MEMO1: variants seen among roughly 807,000 people sequenced by gnomAD.
MEMO1 encodes the protein protein MEMO1.
Under a neutral mutation model 45.2 loss-of-function variants are expected in MEMO1, and 6 were observed. The observed-to-expected ratio is 0.13, with a 90% CI of 0.07 to 0.26. The LOEUF (loss-of-function observed/expected upper bound fraction) is 0.26, where lower values mean the gene tolerates loss of function less well. Ranked by LOEUF, MEMO1 falls within the 10% of genes least tolerant of loss-of-function variation. The pLI is 1.00. For synonymous variants in MEMO1, 78 were observed against 124.3 expected (o/e 0.63, Z 2.48); for missense variants, 184 against 370.5 (o/e 0.50, Z 4.13).
chr2:31,920,346 CAG>C (rs1682137322), intron 5 of MEMO1, among the ~76,000 whole-genome samples: 1 of 152,006 alleles, frequency 6.6e-6, no homozygotes, highest in African/African-American at 2.4e-5. Flanking sequence ...ACCTTTCTTT[CAG>C]AGTTTCATAA....
chr2:31,933,348 A>AAAAAAAAAAAT lies in MEMO1; in HGVS notation c.144-1214_144-1213insATTTTTTTTTT, dbSNP rs1558514269. ...AAAAAAAAAAAAAAAAAAAAAAAAA[A>AAAAAAAAAAAT]ATTTATATATATATATATATATATA... On this transcript the variant is annotated intron_variant, in intron 3 of 9. Transcript: ENST00000404530. 1.2e-4 allele frequency among the ~76,000 whole-genome samples: 2 copies of AAAAAAAAAAAT among 16,186 alleles called. 1 individual carries two copies. The highest frequency in any genetic ancestry group is 2.1e-4 in the Non-Finnish European group (2 of 9,602). The allele number at this position is 16,186 out of a possible 152,430, so 10.6% of individuals were successfully genotyped here. A position where few individuals can be genotyped will look rare whatever the true frequency, so the allele number is the denominator to read the frequency against.
chr2:31,990,086 CAGCATGGACGACAG>C (rs1225731730), intron 2 of MEMO1, among the ~76,000 whole-genome samples: 2 of 152,180 alleles, frequency 1.3e-5, no homozygotes, highest in Non-Finnish European at 2.9e-5. Context: ...CACTGCACTC[CAGCATGGACGACAG>C]AGCAAGACTT....
chr2:31,899,814 G>A (rs950741631), intron 6 of MEMO1, among the ~76,000 whole-genome samples: 8 of 151,938 alleles, frequency 5.3e-5, no homozygotes, highest in African/African-American at 1.4e-4. Context: ...TAGAATCTAC[G>A]AAGAACTTAA....
chr2:31,958,074 G>C (rs190171734), intron 2 of MEMO1, among the ~76,000 whole-genome samples: 1 of 152,118 alleles, frequency 6.6e-6, no homozygotes, highest in Non-Finnish European at 1.5e-5. Flanking sequence ...GGGCATGCCA[G>C]GTTTCAGATG....
rs766462066 is a variant in MEMO1, at chr2:31,964,650, G to A, written c.62-21267C>T. Reference sequence around the variant, plus strand: ...TGGGAGGCGGAGGTTGCGGTGAGCCGAGATTCCGCCATTGCACTCCAGCTT... The same window carrying A: ...TGGGAGGCGGAGGTTGCGGTGAGCCAAGATTCCGCCATTGCACTCCAGCTT... On this transcript the variant is annotated intron_variant, in intron 2 of 9. Coordinates refer to ENST00000404530, the MANE Select transcript of MEMO1 (RefSeq NM_001301833.4). Among the ~76,000 whole-genome samples the A allele has an allele frequency of 3.3e-5, 5 of 152,002 alleles. No individual in the cohort carries two copies. In the East Asian group the frequency reaches 5.8e-4, roughly 18 times the overall value.
intron 3 of MEMO1, among the ~76,000 whole-genome samples, chr2:31,933,348 A>AT (rs869203385): frequency 2.5e-3 from 41 of 16,178 alleles, no homozygotes; most frequent in African/African-American, 9.7e-3. Flanking sequence ...AAAAAAAAAA[A>AT]ATTTATATAT....
chr2:31,954,073 G>T (rs1289973566), intron 2 of MEMO1, among the ~76,000 whole-genome samples: 1 of 152,160 alleles, frequency 6.6e-6, no homozygotes, highest in Non-Finnish European at 1.5e-5. Flanking sequence ...CCACATGATT[G>T]TTGAGTCTTC....
chr2:31,884,421 T>C (rs1421444316), intron 7 of MEMO1, among the ~76,000 whole-genome samples: 1 of 152,180 alleles, frequency 6.6e-6, no homozygotes, highest in Non-Finnish European at 1.5e-5. Flanking sequence ...ATACAAATCA[T>C]GTACACACAT....
At chr2:31,985,331 CTTAT>C (rs1325287997) in intron 2 of MEMO1, among the ~76,000 whole-genome samples, 1 of 152,058 alleles carries the variant, frequency 6.6e-6, no homozygotes, top group Non-Finnish European at 1.5e-5. Context: ...TACACATTTA[CTTAT>C]TTATTTATCG....
intron 6 of MEMO1, among the ~76,000 whole-genome samples, chr2:31,895,613 G>A (rs1224854503): frequency 3.9e-5 from 6 of 152,098 alleles, no homozygotes; most frequent in African/African-American, 1.4e-4. Flanking sequence ...TTGGAGACTT[G>A]TAAACAACAT....
intron 2 of MEMO1, among the ~76,000 whole-genome samples, chr2:31,990,373 G>A (rs184746953): frequency 6.6e-6 from 1 of 152,132 alleles, no homozygotes. Flanking sequence ...CATGTAATGG[G>A]TTTATTATTG....
At chr2:31,929,596 T>A (rs1311940863) in intron 4 of MEMO1, among the ~76,000 whole-genome samples, 1 of 152,240 alleles carries the variant, frequency 6.6e-6, no homozygotes, top group Non-Finnish European at 1.5e-5. Flanking sequence ...CAGCATTCTA[T>A]CATCAATTTT....
chr2:31,942,917 A>G (rs1358564128), intron 3 of MEMO1, among the ~76,000 whole-genome samples: 1 of 152,220 alleles, frequency 6.6e-6, no homozygotes, highest in South Asian at 2.1e-4. Context: ...TATAGACTTC[A>G]GTTTTTAATT....
intron 2 of MEMO1, among the ~76,000 whole-genome samples, chr2:31,969,621 GTGTGT>G (rs1669130838): frequency 6.7e-6 from 1 of 150,152 alleles, no homozygotes; most frequent in South Asian, 2.1e-4. Flanking sequence ...GTGTGTGTGT[GTGTGT>G]GTGTGTGTTT....
At chr2:31,910,599 G>T (rs1053177830) in intron 6 of MEMO1, among the ~76,000 whole-genome samples, 3 of 152,176 alleles carry the variant, frequency 2.0e-5, no homozygotes, top group African/African-American at 7.2e-5. Context: ...AGTGGCTCCT[G>T]CCTGTAATCC....
At chr2:31,910,874 TAAAG>T (rs963563475) in intron 6 of MEMO1, among the ~76,000 whole-genome samples, 36 of 151,694 alleles carry the variant, frequency 2.4e-4, no homozygotes, top group African/African-American at 8.0e-4. Flanking sequence ...AAATAAAAAA[TAAAG>T]AAAGTTGTAA....
intron 6 of MEMO1, among the ~76,000 whole-genome samples, chr2:31,906,885 G>A (rs1277013570): frequency 6.6e-6 from 1 of 152,122 alleles, no homozygotes; most frequent in Non-Finnish European, 1.5e-5. Context: ...TAAGATAATA[G>A]GGAATGGTAG....
At chr2:31,957,223 T>C (rs1042513427) in intron 2 of MEMO1, among the ~76,000 whole-genome samples, 1 of 152,110 alleles carries the variant, frequency 6.6e-6, no homozygotes, top group Non-Finnish European at 1.5e-5. Flanking sequence ...CTTTTCACTG[T>C]ATACTCTTTC....
chr2:31,968,457 T>C (rs1486067195), intron 2 of MEMO1, among the ~76,000 whole-genome samples: 1 of 152,170 alleles, frequency 6.6e-6, no homozygotes, highest in Non-Finnish European at 1.5e-5. Context: ...TCCTGAACTA[T>C]TTGCCACTAC....
Sources: gnomAD v4.1 joint callset for allele counts (sites outside exome capture counted in the v4.1 genomes callset) on GRCh38, gnomAD v4.1.1 for gene constraint, MANE v1.5 for transcripts, NCBI Gene and HGNC (gene_info 2026-07-23, HGNC 2026-07-21) for gene names.